Variants in NEK1 observed in about 807,000 individuals in gnomAD.
The protein encoded by NEK1 is serine/threonine-protein kinase Nek1.
A neutral mutation model predicts 182.1 loss-of-function variants in NEK1; 137 were observed. The observed-to-expected ratio is 0.75, with a 90% CI of 0.65 to 0.87. The LOEUF (loss-of-function observed/expected upper bound fraction) is 0.87, where lower values mean the gene tolerates loss of function less well. Among genes scored for constraint, NEK1 ranks in the 40% least tolerant of loss-of-function variants. The pLI, the probability that NEK1 is intolerant of heterozygous loss-of-function variation, is 0.00. For missense variants in NEK1, 1,391 were observed against 1,494.4 expected (o/e 0.93, Z 1.14); for synonymous variants, 513 against 492.2 (o/e 1.04, Z -0.56).
chr4:169,463,764 T>A (rs553708090), intron 26 of NEK1, among the ~76,000 whole-genome samples: 1 of 152,244 alleles, frequency 6.6e-6, no homozygotes, highest in East Asian at 1.9e-4. Flanking sequence ...ATAACGAGAA[T>A]CTTGTTGATG....
intron 19 of NEK1, among the ~76,000 whole-genome samples, chr4:169,525,549 G>A (rs1015065137): frequency 8.6e-5 from 13 of 152,032 alleles, no homozygotes; most frequent in Non-Finnish European, 1.8e-4. Context: ...CTATAGCAAA[G>A]ATCAGCAAAT....
intron 29 of NEK1, among the ~76,000 whole-genome samples, chr4:169,428,371 T>TATATATATATATATATATATAA (rs1447545764): frequency 1.2e-4 from 17 of 144,802 alleles, no homozygotes; most frequent in African/African-American, 4.2e-4. Flanking sequence ...TATATATATA[T>TATATATATATATATATATATAA]AATGGAATAT....
chr4:169,501,491 T>C (rs571616828), intron 23 of NEK1, among the ~76,000 whole-genome samples: 2 of 152,172 alleles, frequency 1.3e-5, no homozygotes, highest in South Asian at 2.1e-4. Context: ...ACTGACCACA[T>C]ACTCAGTCAT....
chr4:169,562,660 T>C (rs1250522210), intron 12 of NEK1, among the ~76,000 whole-genome samples: 1 of 152,170 alleles, frequency 6.6e-6, no homozygotes, highest in Non-Finnish European at 1.5e-5. Context: ...GAGATTATTT[T>C]TGTACTTATA....
chr4:169,506,412 A>T (rs987570539), intron 23 of NEK1, among the ~76,000 whole-genome samples: 2 of 152,170 alleles, frequency 1.3e-5, no homozygotes, highest in Non-Finnish European at 2.9e-5. Context: ...TCATTAAATT[A>T]TGCTGGGATT....
Position 169,477,241 on chromosome 4 carries a change from T to C in NEK1, c.2317A>G (p.Lys773Glu). 1.9e-6 allele frequency: 3 copies of C among 1,603,064 alleles called. No homozygotes were observed. The highest frequency in any genetic ancestry group is 2.6e-6 in the Non-Finnish European group (3 of 1,173,694). Residue 773 changes from lysine (K) to glutamate (E), a missense_variant, in exon 26 of 36, where the codon AAA becomes GAA. Coordinates refer to ENST00000507142, the MANE Select transcript of NEK1 (RefSeq NM_001199397.3). ...ACTGATTTTTCTTTTTCATGCTCTTTGGCATCTTCATGAACATTTATCTCA... is the reference window on the plus strand; with the variant it reads ...ACTGATTTTTCTTTTTCATGCTCTTCGGCATCTTCATGAACATTTATCTCA... ...TFEINVHEDAKEHEKEKSVSS... is the reference protein window; with the variant it reads ...TFEINVHEDAEEHEKEKSVSS...
intron 32 of NEK1, among the ~76,000 whole-genome samples, chr4:169,402,812 T>C (rs1024324293): frequency 4.6e-5 from 7 of 152,176 alleles, no homozygotes; most frequent in African/African-American, 1.2e-4. Flanking sequence ...CTGAGAAACA[T>C]ACTCAGAAAA....
At chr4:169,475,329 T>C (rs1432900997) in intron 26 of NEK1, among the ~76,000 whole-genome samples, 1 of 152,044 alleles carries the variant, frequency 6.6e-6, no homozygotes, top group South Asian at 2.1e-4. Flanking sequence ...CTGGAAAACC[T>C]CATCATTCCT....
intron 19 of NEK1, among the ~76,000 whole-genome samples, chr4:169,509,404 A>G (rs550109743): frequency 6.7e-6 from 1 of 149,578 alleles, no homozygotes; most frequent in Admixed American, 6.6e-5. Context: ...TAGTTTATAT[A>G]TTTCTCTTCC....
At chr4:169,589,544 A>G (rs1260419077) in intron 6 of NEK1, 30 bp from the exon 7 acceptor site, 2 of 1,310,484 alleles carry the variant, frequency 1.5e-6, no homozygotes, top group Admixed American at 5.1e-5. Flanking sequence ...AAAAAACCCT[A>G]GAAATATTGT....
At chr4:169,567,235 G>A (rs778507425) in intron 12 of NEK1, among the ~76,000 whole-genome samples, 17 of 151,842 alleles carry the variant, frequency 1.1e-4, no homozygotes, top group East Asian at 1.9e-4. Flanking sequence ...ATCGACTGCC[G>A]TTTCTTTTTT....
intron 19 of NEK1, among the ~76,000 whole-genome samples, chr4:169,524,530 A>C (rs930365087): frequency 6.6e-6 from 1 of 151,730 alleles, no homozygotes; most frequent in African/African-American, 2.4e-5. Flanking sequence ...TAAAATTTTT[A>C]TAATACTCAA....
At chr4:169,603,394 G>C (rs1419978531) in intron 2 of NEK1, among the ~76,000 whole-genome samples, 1 of 152,016 alleles carries the variant, frequency 6.6e-6, no homozygotes, top group African/African-American at 2.4e-5. Context: ...AGTAGTTAAA[G>C]AACACTAAAA....
intron 12 of NEK1, among the ~76,000 whole-genome samples, chr4:169,566,870 G>C (rs1027591705): frequency 6.6e-6 from 1 of 152,134 alleles, no homozygotes; most frequent in East Asian, 1.9e-4. Context: ...TTGGGAGGCC[G>C]AGGTGGGTGG....
In NEK1 at chr4:169,400,488, C is replaced by T. The variant is rs375966582; in HGVS notation, c.3714+33G>A. 6 of 1,573,216 alleles carry T rather than the reference C, an allele frequency of 3.8e-6. No individual in the cohort carries two copies. The African/African-American group carries it at 4.1e-5, about 11-fold the overall frequency. ...ATTTCTTCAACCTTCAAACATAGCA[C>T]ATTTTAAGTGTTTTAATTGACTTTT... On this transcript the variant is annotated intron_variant, in intron 34 of 35. Transcript: ENST00000507142.
In NEK1 at chr4:169,599,214, T is replaced by G. The variant is rs1244654992; in HGVS notation, c.215-17A>C. On this transcript the variant is annotated splice_polypyrimidine_tract_variant and intron_variant, in intron 4 of 35. Coordinates refer to ENST00000507142, the MANE Select transcript of NEK1 (RefSeq NM_001199397.3). ...AGCCATTTTCTACAAAATATAAACA[T>G]TACAGTCCACTTTTAAAAACGTACA... 3.2e-6 allele frequency: 5 copies of G among 1,549,210 alleles called. No individual in the cohort carries two copies. In the African/African-American group the frequency reaches 6.8e-5, roughly 21 times the overall value.
chr4:169,419,468 T>G (rs181222761), intron 31 of NEK1, among the ~76,000 whole-genome samples: 12 of 152,266 alleles, frequency 7.9e-5, no homozygotes, highest in Middle Eastern at 3.4e-3. Context: ...ATAGTAAACA[T>G]GTAAATATAA....
intron 12 of NEK1, among the ~76,000 whole-genome samples, chr4:169,563,291 G>T (rs560768723): frequency 3.3e-5 from 5 of 151,760 alleles, no homozygotes; most frequent in African/African-American, 1.2e-4. Context: ...AGCCCAGGAG[G>T]TAGAGGCTAC....
At chr4:169,431,275 A>G (rs1737379163) in intron 29 of NEK1, among the ~76,000 whole-genome samples, 1 of 146,550 alleles carries the variant, frequency 6.8e-6, no homozygotes, top group African/African-American at 2.5e-5. Context: ...CAAGAGTATT[A>G]TACTTGTGAA....
Sources: allele counts gnomAD v4.1 joint callset (sites outside exome capture counted in the v4.1 genomes callset), GRCh38; gene constraint gnomAD v4.1.1; transcripts MANE v1.5; gene names NCBI Gene and HGNC (gene_info 2026-07-23, HGNC 2026-07-21).